FAM107B: variants seen among roughly 807,000 people sequenced by gnomAD.
FAM107B encodes family with sequence similarity 107 member B.
In FAM107B, 21 loss-of-function variants were observed where a neutral mutation model predicts 31.5. That is an observed-to-expected ratio of 0.67 (90% confidence interval 0.47 to 0.96). FAM107B has a LOEUF of 0.96. FAM107B is among the 40% of genes least tolerant of loss of function. The pLI is 0.00. For synonymous variants in FAM107B, 157 were observed against 141.5 expected, an observed-to-expected ratio of 1.11 and a Z score of -0.78; for missense variants, 452 against 377.1, an observed-to-expected ratio of 1.20 and a Z score of -1.64.
intron 1 of FAM107B, among the ~76,000 whole-genome samples, chr10:14,706,384 T>C (rs1855520372): frequency 6.6e-6 from 1 of 151,964 alleles, no homozygotes; most frequent in South Asian, 2.1e-4. Flanking sequence ...CACACCACCA[T>C]GCCTGGCTAA....
At chr10:14,616,796 A>G (rs931056618) in intron 2 of FAM107B, among the ~76,000 whole-genome samples, 1 of 152,082 alleles carries the variant, frequency 6.6e-6, no homozygotes, top group Non-Finnish European at 1.5e-5. Flanking sequence ...GTGATGGCAC[A>G]TATCTGTGGA....
At chr10:14,593,727 G>A (rs894013153) in intron 2 of FAM107B, among the ~76,000 whole-genome samples, 1 of 151,630 alleles carries the variant, frequency 6.6e-6, no homozygotes, top group Non-Finnish European at 1.5e-5. Flanking sequence ...TGCTTATCAT[G>A]GCTAAAATTA....
intron 1 of FAM107B, among the ~76,000 whole-genome samples, chr10:14,706,816 T>C (rs1855531012): frequency 6.6e-6 from 1 of 152,276 alleles, no homozygotes; most frequent in Non-Finnish European, 1.5e-5. Flanking sequence ...TTTTGGATGA[T>C]GCACCCAACT....
At chr10:14,616,940 A>AG (rs1852869251) in intron 2 of FAM107B, among the ~76,000 whole-genome samples, 1 of 151,462 alleles carries the variant, frequency 6.6e-6, no homozygotes, top group Admixed American at 6.6e-5. Flanking sequence ...AATAAAATAA[A>AG]AGAGAGAGAG....
At chr10:14,723,633 G>T in intron 1 of FAM107B, 3 of 715,940 alleles carry the variant, frequency 4.2e-6, no homozygotes, top group Admixed American at 3.7e-5. Flanking sequence ...TGATGGGAAG[G>T]TTAACATAGG....
chr10:14,536,260 G>A (rs1847591616), intron 2 of FAM107B, among the ~76,000 whole-genome samples: 1 of 152,124 alleles, frequency 6.6e-6, no homozygotes, highest in Admixed American at 6.5e-5. Flanking sequence ...ACAATCTCTT[G>A]GCACGTGGCA....
chr10:14,552,401 CTCAGATCGGAGGCTT>C (rs1849339693), intron 2 of FAM107B, among the ~76,000 whole-genome samples: 2 of 151,982 alleles, frequency 1.3e-5, no homozygotes. Context: ...TCTAAAATAT[CTCAGATCGGAGGCTT>C]TCAAACGCAC....
chr10:14,642,530 A>C (rs1342211713), intron 2 of FAM107B, among the ~76,000 whole-genome samples: 1 of 152,180 alleles, frequency 6.6e-6, no homozygotes, highest in African/African-American at 2.4e-5. Context: ...TCATGTCTCT[A>C]TCCCCTTCGG....
At chr10:14,620,417 C>G (rs1852979543) in intron 2 of FAM107B, among the ~76,000 whole-genome samples, 1 of 152,182 alleles carries the variant, frequency 6.6e-6, no homozygotes, top group African/African-American at 2.4e-5. Flanking sequence ...CTCTAAAATT[C>G]AGGTTTTGTG....
At chr10:14,756,761 T>A (rs751073475) in intron 1 of FAM107B, among the ~76,000 whole-genome samples, 4 of 152,160 alleles carry the variant, frequency 2.6e-5, no homozygotes, top group Non-Finnish European at 5.9e-5. Flanking sequence ...GAAATCAACC[T>A]AAATGCCCAT....
intron 2 of FAM107B, among the ~76,000 whole-genome samples, chr10:14,572,739 T>A (rs201560258): frequency 0.39 from 34,141 of 88,570 alleles, 6,051 homozygotes; most frequent in East Asian, 0.45. Context: ...AAAAAAAAAT[T>A]TATATATATA....
chr10:14,705,023 C>A (rs868299555), intron 1 of FAM107B, among the ~76,000 whole-genome samples: 1,285 of 87,362 alleles, frequency 0.015, no homozygotes, highest in Middle Eastern at 0.026. Context: ...GACCCTGTCA[C>A]AAAAAAAAAA....
chr10:14,676,956 G>A (rs548326594), intron 1 of FAM107B, among the ~76,000 whole-genome samples: 1 of 152,304 alleles, frequency 6.6e-6, no homozygotes, highest in Non-Finnish European at 1.5e-5. Context: ...AAAGCAGAGA[G>A]TCCTGGTCCC....
At chr10:14,644,139 A>T (rs562054769) in intron 2 of FAM107B, among the ~76,000 whole-genome samples, 2 of 152,196 alleles carry the variant, frequency 1.3e-5, no homozygotes, top group Non-Finnish European at 2.9e-5. Flanking sequence ...TTGCAGTAAG[A>T]TAGTAGAATC....
At chr10:14,728,687 G>A (rs1234485441) in intron 1 of FAM107B, among the ~76,000 whole-genome samples, 3 of 152,262 alleles carry the variant, frequency 2.0e-5, no homozygotes, top group African/African-American at 4.8e-5. Flanking sequence ...GGGGACACAC[G>A]TGCTTCCAGT....
chr10:14,637,617 C>T (rs1281653193), intron 2 of FAM107B, among the ~76,000 whole-genome samples: 2 of 152,080 alleles, frequency 1.3e-5, no homozygotes, highest in Admixed American at 6.6e-5. Flanking sequence ...GCACCCTAGC[C>T]CGGGCAACAG....
chr10:14,575,290 A>G (rs1851430482), intron 2 of FAM107B, among the ~76,000 whole-genome samples: 1 of 151,104 alleles, frequency 6.6e-6, no homozygotes, highest in South Asian at 2.1e-4. Flanking sequence ...TGCAGCCTCC[A>G]CCTCCCAGGT....
intron 2 of FAM107B, among the ~76,000 whole-genome samples, chr10:14,551,403 C>A (rs2131071755): frequency 6.6e-6 from 1 of 152,216 alleles, no homozygotes; most frequent in East Asian, 1.9e-4. Flanking sequence ...CCTTGGTCTC[C>A]CAAAGTGCTG....
chr10:14,607,756 G>A (rs1054980480), intron 2 of FAM107B, among the ~76,000 whole-genome samples: 1 of 152,134 alleles, frequency 6.6e-6, no homozygotes, highest in Non-Finnish European at 1.5e-5. Context: ...GGTCTTTACT[G>A]ATTTGCTTTC....
Sources: allele counts gnomAD v4.1 joint callset (sites outside exome capture counted in the v4.1 genomes callset), GRCh38; gene constraint gnomAD v4.1.1; transcripts MANE v1.5; gene names NCBI Gene and HGNC (gene_info 2026-07-23, HGNC 2026-07-21).